The following MAST4 variants were observed in gnomAD, a reference collection of about 807,000 sequenced individuals.
The protein encoded by MAST4 is microtubule-associated serine/threonine-protein kinase 4.
In MAST4, 89 loss-of-function variants were observed where a neutral mutation model predicts 162.7. The observed-to-expected ratio is 0.55, with a 90% CI of 0.46 to 0.65. MAST4 has a LOEUF of 0.65. Ranked by LOEUF, MAST4 falls within the 30% of genes least tolerant of loss-of-function variation. The pLI is 0.00. For missense variants in MAST4, 3,153 were observed against 3,374.0 expected (o/e 0.93, Z 1.62); for synonymous variants, 1,479 against 1,361.1 (o/e 1.09, Z -1.91).
chr5:66,612,849 C>T (rs186390716), intron 1 of MAST4, among the ~76,000 whole-genome samples: 5 of 152,248 alleles, frequency 3.3e-5, no homozygotes, highest in African/African-American at 1.2e-4. Context: ...GTCTTAAAGT[C>T]TTCTGCTTTT....
chr5:66,709,674 T>A lies in MAST4; in HGVS notation c.364-50035T>A, dbSNP rs149543336. Among the ~76,000 whole-genome samples the A allele has an allele frequency of 2.0e-3, 305 of 152,300 alleles. 3 individuals are homozygous for A. Among genetic ancestry groups the A allele is most frequent in the African/African-American group, 6.8e-3 (282 of 41,560 alleles). On this transcript the variant is annotated intron_variant, in intron 1 of 28. Coordinates refer to ENST00000403625, the MANE Select transcript of MAST4 (RefSeq NM_001164664.2). Reference sequence around the variant, plus strand: ...TCTGGCTCTTTGTCTCTGTTTCTTTTTATAATTATTATAAAACATATCAAT... The same window carrying A: ...TCTGGCTCTTTGTCTCTGTTTCTTTATATAATTATTATAAAACATATCAAT...
chr5:67,148,256 A>G (rs1018821048), intron 23 of MAST4, among the ~76,000 whole-genome samples: 1 of 152,230 alleles, frequency 6.6e-6, no homozygotes, highest in Admixed American at 6.5e-5. Context: ...GGGGCTTATA[A>G]TGTAGCATGT....
intron 4 of MAST4, among the ~76,000 whole-genome samples, chr5:66,967,764 A>G (rs1281709646): frequency 1.8e-5 from 2 of 111,064 alleles, no homozygotes; most frequent in East Asian, 4.0e-4. Context: ...TACAAACTAA[A>G]TATATATATA....
intron 1 of MAST4, among the ~76,000 whole-genome samples, chr5:66,732,063 C>T (rs551253848): frequency 6.6e-6 from 1 of 152,056 alleles, no homozygotes; most frequent in African/African-American, 2.4e-5. Context: ...TCCTCACTGG[C>T]CTCTTTTCCT....
chr5:66,643,385 C>T (rs1745612929), intron 1 of MAST4, among the ~76,000 whole-genome samples: 1 of 152,146 alleles, frequency 6.6e-6, no homozygotes, highest in African/African-American at 2.4e-5. Context: ...ATAATGCCCA[C>T]ATTTGTCTTC....
chr5:67,120,931 A>C (rs1194273725), intron 13 of MAST4, 86 bp from the exon 14 acceptor site: 3 of 949,408 alleles, frequency 3.2e-6, no homozygotes, highest in Non-Finnish European at 4.9e-6. Context: ...ACATAACAGC[A>C]TGTCCTTCAA....
chr5:67,043,522 C>T (rs1464592337), intron 4 of MAST4, among the ~76,000 whole-genome samples: 2 of 152,146 alleles, frequency 1.3e-5, no homozygotes, highest in African/African-American at 4.8e-5. Context: ...TTGGGACTGC[C>T]ACCACTGTCT....
At chr5:66,732,209 A>G (rs1751897857) in intron 1 of MAST4, among the ~76,000 whole-genome samples, 1 of 152,028 alleles carries the variant, frequency 6.6e-6, no homozygotes, top group Non-Finnish European at 1.5e-5. Flanking sequence ...GGTCATTGTC[A>G]GCACTGGTTA....
intron 4 of MAST4, among the ~76,000 whole-genome samples, chr5:66,936,935 C>A (rs548717474): frequency 3.9e-5 from 6 of 152,296 alleles, no homozygotes; most frequent in African/African-American, 1.4e-4. Flanking sequence ...TCAGCCCTTT[C>A]TCCTGGATGC....
chr5:66,748,449 C>CTCCCTCCCTCACTCCCTCTCTCCT (rs1561302758), intron 1 of MAST4, among the ~76,000 whole-genome samples: 9 of 137,004 alleles, frequency 6.6e-5, no homozygotes, highest in South Asian at 2.9e-4. Flanking sequence ...CCCTCTCTCC[C>CTCCCTCCCTCACTCCCTCTCTCCT]TCACTCCCTC....
intron 4 of MAST4, among the ~76,000 whole-genome samples, chr5:66,987,911 G>A (rs1009525934): frequency 2.6e-5 from 4 of 152,290 alleles, no homozygotes; most frequent in South Asian, 2.1e-4. Flanking sequence ...TAGTTACAAC[G>A]TGGTTGCGTT....
intron 1 of MAST4, among the ~76,000 whole-genome samples, chr5:66,652,419 A>T (rs552123850): frequency 6.6e-6 from 1 of 152,360 alleles, no homozygotes; most frequent in African/African-American, 2.4e-5. Context: ...AAATTAAAAA[A>T]GTTCATTAGC....
chr5:66,716,342 G>GTGTATGTGTGTA (rs1346298342), intron 1 of MAST4, among the ~76,000 whole-genome samples: 4 of 151,986 alleles, frequency 2.6e-5, no homozygotes, highest in Non-Finnish European at 4.4e-5. Flanking sequence ...CTCTATGTGT[G>GTGTATGTGTGTA]TGTATGTGTG....
intron 5 of MAST4, among the ~76,000 whole-genome samples, chr5:67,083,578 G>T (rs1421325526): frequency 4.6e-5 from 7 of 151,924 alleles, no homozygotes; most frequent in Non-Finnish European, 1.0e-4. Flanking sequence ...GGAATTCTTT[G>T]TATCTAATTA....
chr5:66,875,159 TTTC>T (rs1416204149), intron 3 of MAST4, among the ~76,000 whole-genome samples: 1 of 152,202 alleles, frequency 6.6e-6, no homozygotes, highest in East Asian at 1.9e-4. Context: ...TAAAGAATAA[TTTC>T]TTCTTTTTCA....
chr5:66,851,716 G>A (rs887979833), intron 3 of MAST4, among the ~76,000 whole-genome samples: 3 of 152,124 alleles, frequency 2.0e-5, no homozygotes, highest in Admixed American at 6.5e-5. Flanking sequence ...TCTTAGTGGA[G>A]CCCCTATTTG....
rs75868933 is a variant in MAST4 at position 66,867,997 on chromosome 5, C to T, written c.643-31954C>T. ...TGGGAAAATGAAGTCACAAATTTTG[C>T]CTTTAGTGTTGAGTGACATAATTTA... is the stretch of plus-strand genomic sequence containing the variant. On this transcript the variant is annotated intron_variant, in intron 3 of 28. Coordinates refer to ENST00000403625, the MANE Select transcript of MAST4 (RefSeq NM_001164664.2). Among the ~76,000 whole-genome samples the T allele has an allele frequency of 7.0e-3, 1,059 of 152,244 alleles. 8 individuals carry two copies. The highest frequency in any genetic ancestry group is 0.01 in the Non-Finnish European group (688 of 68,012).
chr5:66,748,676 G>C (rs955163216), intron 1 of MAST4, among the ~76,000 whole-genome samples: 1 of 151,664 alleles, frequency 6.6e-6, no homozygotes, highest in Non-Finnish European at 1.5e-5. Flanking sequence ...TTTTAGTAGA[G>C]ACAGGGTTTC....
intron 12 of MAST4, 37 bp from the exon 13 acceptor site, chr5:67,118,645 T>A (rs1432327149): frequency 6.1e-6 from 8 of 1,318,184 alleles, no homozygotes; most frequent in Non-Finnish European, 8.5e-6. Flanking sequence ...AATTGCAATA[T>A]TTTTATTAAG....
Sources: allele counts gnomAD v4.1 joint callset (sites outside exome capture counted in the v4.1 genomes callset), GRCh38; gene constraint gnomAD v4.1.1; transcripts MANE v1.5; gene names NCBI Gene and HGNC (gene_info 2026-07-23, HGNC 2026-07-21).